CTSC: variants seen among roughly 807,000 people sequenced by gnomAD.
CTSC encodes the protein dipeptidyl peptidase 1.
CTSC carries 37 observed loss-of-function variants against 40.9 expected under a neutral mutation model. The observed-to-expected ratio is 0.91, with a 90% CI of 0.70 to 1.19. The LOEUF (loss-of-function observed/expected upper bound fraction) is 1.19, where lower values mean the gene tolerates loss of function less well. CTSC is among the 50% of genes most tolerant of loss of function. CTSC has a pLI of 0.00. For synonymous variants in CTSC, 232 were observed against 207.4 expected (o/e 1.12, Z -1.02); for missense variants, 594 against 567.3 (o/e 1.05, Z -0.48).
At chr11:88,334,898 A>C (rs1397844225) in intron 2 of CTSC, 39 bp downstream of exon 2, 40 of 1,507,898 alleles carry the variant, frequency 2.7e-5, no homozygotes, top group Non-Finnish European at 3.7e-5. Context: ...CAGATATCAA[A>C]TCATTGAAAA....
rs1412215986 is a variant in CTSC at position 88,293,898 on chromosome 11, A to C, written c.*108T>G. The C allele has an allele frequency of 1.5e-6, 2 of 1,297,690 alleles. No homozygotes were observed. The highest frequency in any genetic ancestry group is 2.2e-6 in the Non-Finnish European group (2 of 906,358). The allele number at this position is 1,297,690 out of a possible 1,614,324, so 80.4% of individuals were successfully genotyped here. A position where few individuals can be genotyped will look rare whatever the true frequency, so the allele number is the denominator to read the frequency against. The stretch of plus-strand genomic sequence containing the variant: ...TCTGAAGACAAATATCTTCATGGAA[A>C]TCTATTTGTAAGCTTCTGAGATTGC... On this transcript the variant is annotated 3_prime_UTR_variant, in exon 7 of 7. Coordinates refer to ENST00000227266, the MANE Select transcript of CTSC (RefSeq NM_001814.6).
chr11:88,298,685 T>C (rs1944324490), intron 5 of CTSC: 1 of 152,224 alleles, frequency 6.6e-6, no homozygotes, highest in South Asian at 2.1e-4. Flanking sequence ...CAAGATACTG[T>C]AGATGAGGGA....
chr11:88,302,948 A>T (rs1944384358), intron 4 of CTSC, among the ~76,000 whole-genome samples: 1 of 152,232 alleles, frequency 6.6e-6, no homozygotes, highest in Non-Finnish European at 1.5e-5. Flanking sequence ...AGTCTATATA[A>T]TCAAGGATCA....
chr11:88,328,303 T>A lies in CTSC; in HGVS notation c.318+6634A>T, dbSNP rs542870326. On this transcript the variant is annotated intron_variant, in intron 2 of 6. Coordinates refer to ENST00000227266, the MANE Select transcript of CTSC (RefSeq NM_001814.6). Reference sequence around the variant, plus strand: ...CAGGCACTCAGTGCTAAACTTCTGATACTTTTCCTCCACTGAAATACTCTT... The same window carrying A: ...CAGGCACTCAGTGCTAAACTTCTGAAACTTTTCCTCCACTGAAATACTCTT... 33 of 792,556 alleles carry A rather than the reference T, an allele frequency of 4.2e-5. No homozygotes were observed. The South Asian group carries it at 4.6e-4, about 11-fold the overall frequency. The allele number at this position is 792,556 out of a possible 1,614,324, so 49.1% of individuals were successfully genotyped here.
intron 4 of CTSC, among the ~76,000 whole-genome samples, chr11:88,307,598 A>G (rs1254881666): frequency 7.4e-6 from 1 of 135,452 alleles, no homozygotes. Flanking sequence ...ATCAAAGCAT[A>G]GAGAGGATTT....
intron 2 of CTSC, among the ~76,000 whole-genome samples, chr11:88,332,990 G>A (rs7924697): frequency 0.014 from 2,165 of 152,264 alleles, 60 homozygotes; most frequent in African/African-American, 0.05. Flanking sequence ...TGTGACTAAT[G>A]TTCTTAGGCA....
At chr11:88,321,108 T>G (rs1260079287) in intron 2 of CTSC, 2 of 877,894 alleles carry the variant, frequency 2.3e-6, no homozygotes, top group African/African-American at 3.6e-5. Flanking sequence ...CATTAGTAAT[T>G]TTTAAAATTC....
chr11:88,335,630 A>T (rs562362945), intron 1 of CTSC, among the ~76,000 whole-genome samples: 1 of 152,250 alleles, frequency 6.6e-6, no homozygotes, highest in African/African-American at 2.4e-5. Flanking sequence ...GACCCCCAAA[A>T]CTACAGTACC....
chr11:88,301,971 C>T (rs1048595289), intron 4 of CTSC, among the ~76,000 whole-genome samples: 14 of 152,104 alleles, frequency 9.2e-5, no homozygotes, highest in Non-Finnish European at 1.3e-4. Flanking sequence ...CTTAAAACTC[C>T]CCTAAGAGTT....
intron 2 of CTSC, among the ~76,000 whole-genome samples, chr11:88,326,808 G>C (rs1938206375): frequency 1.3e-5 from 2 of 152,246 alleles, no homozygotes; most frequent in Admixed American, 6.5e-5. Flanking sequence ...AGTGCTGCCT[G>C]AATCCACATG....
chr11:88,310,983 G>T (rs533946408), intron 3 of CTSC, among the ~76,000 whole-genome samples: 24 of 152,034 alleles, frequency 1.6e-4, no homozygotes, highest in Non-Finnish European at 3.2e-4. Context: ...AGCATCCTAC[G>T]TCTTAAATAC....
chr11:88,328,440 A>G (rs982818553), intron 2 of CTSC, among the ~76,000 whole-genome samples: 1 of 152,210 alleles, frequency 6.6e-6, no homozygotes, highest in Non-Finnish European at 1.5e-5. Flanking sequence ...GTCTTCTAAA[A>G]TTGTTATATC....
intron 2 of CTSC, among the ~76,000 whole-genome samples, chr11:88,314,632 A>T (rs1331061900): frequency 6.6e-6 from 1 of 152,076 alleles, no homozygotes; most frequent in Admixed American, 6.5e-5. Context: ...GGTTCAAGCG[A>T]TTCTCCTGCC....
chr11:88,325,594 A>AT (rs1163107330), intron 2 of CTSC: 1 of 984,980 alleles, frequency 1.0e-6, no homozygotes, highest in Non-Finnish European at 1.2e-6. Flanking sequence ...TAAGAGATTA[A>AT]TTTTCTCTAT....
Position 88,294,179 on chromosome 11 carries a change from C to T in CTSC, c.1219G>A (p.Val407Ile). Residue 407 changes from valine (V) to isoleucine (I), a missense_variant, in exon 7 of 7, where the codon GTT becomes ATT. By Grantham distance (29) the Val-to-Ile change is conservative. Coordinates refer to ENST00000227266, the MANE Select transcript of CTSC (RefSeq NM_001814.6). Reference protein sequence around the residue: ...FNPFELTNHAVLLVGYGTDSA... With the variant: ...FNPFELTNHAILLVGYGTDSA... Reference sequence around the variant, plus strand: ...TCAGTGCCATAGCCCACAAGCAGAACAGCATGATTAGTCAGCTCAAAGGGG... The same window carrying T: ...TCAGTGCCATAGCCCACAAGCAGAATAGCATGATTAGTCAGCTCAAAGGGG... 6.2e-7 allele frequency: 1 copy of T among 1,613,930 alleles called. No individual in the cohort carries two copies. The highest frequency in any genetic ancestry group is 8.5e-7 in the Non-Finnish European group (1 of 1,180,000).
rs114183913 is a variant in CTSC, at chr11:88,327,526, C to T, written c.318+7411G>A. 5.6e-3 allele frequency among the ~76,000 whole-genome samples: 847 copies of T among 152,282 alleles called. 3 individuals are homozygous for T. The highest frequency in any genetic ancestry group is 0.02 in the African/African-American group (824 of 41,548). ...GTGAGCAATGATTTAAACATCTATT[C>T]TGAAAATGTGAAGAGAATGTAAAGA... is the stretch of plus-strand genomic sequence containing the variant. On this transcript the variant is annotated intron_variant, in intron 2 of 6. Coordinates refer to ENST00000227266, the MANE Select transcript of CTSC (RefSeq NM_001814.6).
chr11:88,294,230 G>A lies in CTSC; in HGVS notation c.1168C>T (p.His390Tyr), dbSNP rs1403624902. The change falls in exon 7 of 7, where the codon CAC becomes TAC. Residue 390 changes from histidine (H) to tyrosine (Y), a missense_variant. Coordinates refer to ENST00000227266, the MANE Select transcript of CTSC (RefSeq NM_001814.6). ...FLHYKKGIYH[H>Y]TGLRDPFNPF... ...TTGAAAGGGTCTCTTAGACCAGTGT[G>A]GTGGTAGATCCCCTTTTTGTAGTGG... The A allele has an allele frequency of 3.1e-6, 5 of 1,614,026 alleles. No homozygotes were observed. In the Admixed American group the frequency reaches 5.0e-5, roughly 16 times the overall value.
chr11:88,300,474 C>A (rs1051395412), intron 5 of CTSC, 56 bp downstream of exon 5: 3 of 1,056,062 alleles, frequency 2.8e-6, no homozygotes, highest in Admixed American at 3.4e-5. Context: ...CACAGAGCAA[C>A]TGTTCAATAA....
chr11:88,303,570 C>T (rs1298468457), intron 4 of CTSC, among the ~76,000 whole-genome samples: 2 of 152,202 alleles, frequency 1.3e-5, no homozygotes, highest in Non-Finnish European at 2.9e-5. Context: ...GGGGAAGGGG[C>T]ACACAGCTTC....
Sources: allele counts gnomAD v4.1 joint callset (sites outside exome capture counted in the v4.1 genomes callset), GRCh38; gene constraint gnomAD v4.1.1; transcripts MANE v1.5; gene names NCBI Gene and HGNC (gene_info 2026-07-23, HGNC 2026-07-21).